Variants in FKBP3 observed in about 807,000 individuals in gnomAD.
FKBP3 encodes the protein peptidyl-prolyl cis-trans isomerase FKBP3.
In FKBP3, 21 loss-of-function variants were observed where a neutral mutation model predicts 30.6. The ratio of observed to expected loss-of-function variants is 0.69; its 90% CI spans 0.49 to 0.99. The LOEUF (loss-of-function observed/expected upper bound fraction) is 0.99, where lower values mean the gene tolerates loss of function less well. FKBP3 is among the 50% of genes least tolerant of loss of function. The pLI, the probability that FKBP3 is intolerant of heterozygous loss-of-function variation, is 0.00. For missense variants in FKBP3, 283 were observed against 261.6 expected (o/e 1.08, Z -0.56); for synonymous variants, 82 against 91.3 (o/e 0.90, Z 0.58).
At chr14:45,124,557 T>TA (rs567329307) in intron 3 of FKBP3, among the ~76,000 whole-genome samples, 6,755 of 146,546 alleles carry the variant, frequency 0.046, 482 homozygotes, top group African/African-American at 0.15. Flanking sequence ...ATATATATAT[T>TA]TTTTTTTCTT....
chr14:45,130,120 A>G (rs1328582906), intron 2 of FKBP3, among the ~76,000 whole-genome samples: 1 of 152,230 alleles, frequency 6.6e-6, no homozygotes, highest in Non-Finnish European at 1.5e-5. Context: ...CCAGCTTACA[A>G]TATAAATTCT....
chr14:45,116,736 G>A (rs1176158834), intron 6 of FKBP3, among the ~76,000 whole-genome samples: 1 of 151,834 alleles, frequency 6.6e-6, no homozygotes, highest in African/African-American at 2.4e-5. Context: ...CGCACCTGTA[G>A]TTCCAGCTAC....
At chr14:45,121,232 A>C (rs1169391760) in intron 4 of FKBP3, among the ~76,000 whole-genome samples, 1 of 152,156 alleles carries the variant, frequency 6.6e-6, no homozygotes, top group East Asian at 1.9e-4. Context: ...TCAAATACTA[A>C]TGCCTTACTT....
At chr14:45,133,775 G>C (rs1026607552) in intron 1 of FKBP3, among the ~76,000 whole-genome samples, 2 of 152,170 alleles carry the variant, frequency 1.3e-5, no homozygotes, top group African/African-American at 4.8e-5. Context: ...CTGCACAAGA[G>C]AAATGTGCAT....
At position 45,115,994 on chromosome 14, in the gene FKBP3, GTAGGAAAGTATTT is replaced by G; in HGVS notation, c.*191_*203del. The stretch of plus-strand genomic sequence containing the variant: ...TCCTTGACCAGTATTTTACACAGCT[GTAGGAAAGTATTT>G]TAGACCAGGGATTCATAAGGGATTT... On this transcript the variant is annotated 3_prime_UTR_variant, in exon 7 of 7. Transcript: ENST00000396062. 3.7e-6 allele frequency: 2 copies of G among 539,156 alleles called. No individual in the cohort carries two copies. Among genetic ancestry groups the G allele is most frequent in the Non-Finnish European group, 6.7e-6 (2 of 297,592 alleles). The allele number at this position is 539,156 out of a possible 1,614,324, so 33.4% of individuals were successfully genotyped here.
At chr14:45,133,407 C>T in intron 1 of FKBP3, 1 of 234,744 alleles carries the variant, frequency 4.3e-6, no homozygotes, top group Non-Finnish European at 9.4e-6. Context: ...GCGGAGGTTG[C>T]AGTGAGCCGA....
intron 5 of FKBP3, among the ~76,000 whole-genome samples, chr14:45,119,518 G>A (rs938807926): frequency 5.9e-5 from 9 of 151,664 alleles, no homozygotes; most frequent in Non-Finnish European, 1.2e-4. Flanking sequence ...GCAGTAAGCC[G>A]AGATTGCACC....
intron 3 of FKBP3, among the ~76,000 whole-genome samples, chr14:45,124,633 A>C (rs1403223754): frequency 6.6e-6 from 1 of 151,826 alleles, no homozygotes; most frequent in African/African-American, 2.4e-5. Context: ...AAATACTGAG[A>C]TATTTTACAG....
At chr14:45,123,179 T>TAA (rs35440697) in intron 3 of FKBP3, among the ~76,000 whole-genome samples, 9 of 123,170 alleles carry the variant, frequency 7.3e-5, no homozygotes, top group Admixed American at 1.7e-4. Flanking sequence ...AGGCTCCATC[T>TAA]AAAAAAAAAA....
chr14:45,126,413 G>A (rs1885099019), intron 3 of FKBP3, among the ~76,000 whole-genome samples: 2 of 151,574 alleles, frequency 1.3e-5, no homozygotes, highest in Non-Finnish European at 2.9e-5. Flanking sequence ...GCTTGAACCC[G>A]GGAGGCGGAG....
intron 3 of FKBP3, among the ~76,000 whole-genome samples, chr14:45,122,660 C>T (rs1446774660): frequency 5.9e-5 from 9 of 151,766 alleles, no homozygotes; most frequent in African/African-American, 1.9e-4. Context: ...CCTGCCACCA[C>T]GCCCAGCTCA....
chr14:45,120,332 T>G (rs979300786), intron 5 of FKBP3, among the ~76,000 whole-genome samples: 2 of 152,168 alleles, frequency 1.3e-5, no homozygotes, highest in African/African-American at 4.8e-5. Flanking sequence ...AAAGTTTCTT[T>G]CTGTTATCTC....
intron 1 of FKBP3, 33 bp from the exon 2 acceptor site, chr14:45,130,833 C>A: frequency 7.6e-7 from 1 of 1,313,986 alleles, no homozygotes; most frequent in Non-Finnish European, 1.1e-6. Context: ...ATCAAGATAA[C>A]TTCTCCCGAG....
rs926280601 is a variant in FKBP3 at position 45,132,822 on chromosome 14, T to C, written c.108+1527A>G. ...TTCTTCCACGTGGCCCAGTTTTACA[T>C]ACGATTCCACATGGCATGATTTGTT... On this transcript the variant is annotated intron_variant, in intron 1 of 6. Transcript: ENST00000396062. Among the ~76,000 whole-genome samples, 8 of 152,288 alleles carry C rather than the reference T, an allele frequency of 5.3e-5. No homozygotes were observed. The South Asian group carries it at 1.5e-3, about 28-fold the overall frequency.
chr14:45,117,971 G>T, intron 6 of FKBP3, 57 bp downstream of exon 6: 1 of 1,263,384 alleles, frequency 7.9e-7, no homozygotes, highest in Non-Finnish European at 1.1e-6. Context: ...CATCCTCAAA[G>T]GTGATCTAGA....
intron 6 of FKBP3, among the ~76,000 whole-genome samples, chr14:45,116,717 G>A (rs1203302471): frequency 1.3e-5 from 2 of 151,740 alleles, no homozygotes; most frequent in African/African-American, 2.4e-5. Context: ...TTAGCCAGGC[G>A]TAGTGGTGCG....
chr14:45,121,665 G>T, intron 3 of FKBP3, 45 bp from the exon 4 acceptor site: 2 of 1,589,174 alleles, frequency 1.3e-6, no homozygotes, highest in Non-Finnish European at 1.7e-6. Context: ...ATTAATTTGT[G>T]TCCTTTAAAA....
At chr14:45,129,952 A>G (rs1309626460) in intron 2 of FKBP3, 51 bp from the exon 3 acceptor site, 1 of 1,113,418 alleles carries the variant, frequency 9.0e-7, no homozygotes, top group East Asian at 2.5e-5. Context: ...AAAACCAAGA[A>G]GCAACATCAA....
chr14:45,121,991 C>G (rs982253023), intron 3 of FKBP3, among the ~76,000 whole-genome samples: 8 of 152,074 alleles, frequency 5.3e-5, no homozygotes, highest in African/African-American at 1.9e-4. Context: ...ACTTCCCCCC[C>G]ACAAAGATTT....
Sources: allele counts gnomAD v4.1 joint callset (sites outside exome capture counted in the v4.1 genomes callset), GRCh38; gene constraint gnomAD v4.1.1; transcripts MANE v1.5; gene names NCBI Gene and HGNC (gene_info 2026-07-23, HGNC 2026-07-21).